The following HIBADH variants were observed in gnomAD, a reference collection of about 807,000 sequenced individuals.
HIBADH encodes 3-hydroxyisobutyrate dehydrogenase, mitochondrial.
A neutral mutation model predicts 36.1 loss-of-function variants in HIBADH; 25 were observed. The observed-to-expected ratio is 0.69, with a 90% CI of 0.50 to 0.97. HIBADH has a LOEUF of 0.97. Among genes scored for constraint, HIBADH ranks in the 50% least tolerant of loss-of-function variants. The pLI is 0.00. For synonymous variants in HIBADH, 160 were observed against 149.5 expected, an observed-to-expected ratio of 1.07 and a Z score of -0.51; for missense variants, 421 against 418.0, an observed-to-expected ratio of 1.01 and a Z score of -0.06.
chr7:27,543,061 A>G lies in HIBADH; in HGVS notation c.524T>C (p.Val175Ala). 1 of 1,613,622 alleles carries G rather than the reference A, an allele frequency of 6.2e-7. No individual in the cohort carries two copies. The highest frequency in any genetic ancestry group is 8.5e-7 in the Non-Finnish European group (1 of 1,179,778). The change falls in exon 5 of 8, where the codon GTG (valine) becomes GCG (alanine). Residue 175 changes from valine (V) to alanine (A), a missense_variant. Coordinates refer to ENST00000265395, the MANE Select transcript of HIBADH (RefSeq NM_152740.4). ...AARSGNLTFM[V>A]GGVEDEFAAA... ...AGCAAATTCATCTTCAACTCCTCCC[A>G]CCATAAACGTGAGGTTCCCAGATCG...
chr7:27,604,140 A>T (rs1785178661), intron 4 of HIBADH, among the ~76,000 whole-genome samples: 1 of 152,160 alleles, frequency 6.6e-6, no homozygotes, highest in Non-Finnish European at 1.5e-5. Context: ...TAAATGCTTC[A>T]TTACTAAATA....
chr7:27,589,316 T>A (rs1318309546), intron 4 of HIBADH, among the ~76,000 whole-genome samples: 4 of 152,198 alleles, frequency 2.6e-5, no homozygotes, highest in African/African-American at 9.6e-5. Flanking sequence ...AACCTTTTCC[T>A]TCAAATCTTT....
At chr7:27,548,443 T>C (rs1304292936) in intron 4 of HIBADH, among the ~76,000 whole-genome samples, 1 of 152,070 alleles carries the variant, frequency 6.6e-6, no homozygotes, top group Middle Eastern at 3.4e-3. Context: ...GGAAAATACA[T>C]ATAGCTAATA....
chr7:27,642,642 GTTTTTTTTTTTTTTTTTTT>G (rs71555706), intron 2 of HIBADH, among the ~76,000 whole-genome samples: 3 of 97,426 alleles, frequency 3.1e-5, no homozygotes, highest in Non-Finnish European at 5.8e-5. Context: ...TAAATGTCTA[GTTTTTTTTTTTTTTTTTTT>G]TTTTTTTTGA....
intron 4 of HIBADH, among the ~76,000 whole-genome samples, chr7:27,556,872 T>C (rs1445757677): frequency 6.6e-6 from 1 of 152,162 alleles, no homozygotes; most frequent in Non-Finnish European, 1.5e-5. Context: ...GCCTATAATA[T>C]TTGGGAGGCC....
At chr7:27,650,794 C>A (rs377012995) in intron 1 of HIBADH, among the ~76,000 whole-genome samples, 1 of 149,890 alleles carries the variant, frequency 6.7e-6, no homozygotes, top group African/African-American at 2.5e-5. Flanking sequence ...TTTGAAATTA[C>A]TCCGTGGGCA....
intron 4 of HIBADH, among the ~76,000 whole-genome samples, chr7:27,608,098 T>C (rs1785261769): frequency 6.6e-6 from 1 of 152,196 alleles, no homozygotes. Flanking sequence ...GAGGCTGTAG[T>C]AGATAAACAA....
At chr7:27,615,617 T>C (rs1312495639) in intron 4 of HIBADH, among the ~76,000 whole-genome samples, 3 of 152,204 alleles carry the variant, frequency 2.0e-5, no homozygotes, top group African/African-American at 7.2e-5. Flanking sequence ...ATTATTCATG[T>C]TTGTGGTGAT....
chr7:27,635,699 A>T (rs1259082491), intron 2 of HIBADH, among the ~76,000 whole-genome samples: 2 of 152,200 alleles, frequency 1.3e-5, no homozygotes, highest in Non-Finnish European at 2.9e-5. Flanking sequence ...CAGGACTTTC[A>T]CCGTGCAGGT....
rs1022727822 is a variant in HIBADH, at chr7:27,529,078, A to G, written c.852+2114T>C. On this transcript the variant is annotated intron_variant, in intron 7 of 7. Transcript: ENST00000265395. Reference sequence around the variant, plus strand: ...CTGTTTATGGGATGGTTTACTGAATATTTATTTTAAGCCCACTGTTGAGAC... The same window carrying G: ...CTGTTTATGGGATGGTTTACTGAATGTTTATTTTAAGCCCACTGTTGAGAC... Among the ~76,000 whole-genome samples, 8 of 152,210 alleles carry G rather than the reference A, an allele frequency of 5.3e-5. No individual in the cohort carries two copies. In the East Asian group the frequency reaches 1.2e-3, roughly 22 times the overall value.
intron 1 of HIBADH, among the ~76,000 whole-genome samples, chr7:27,660,521 C>T (rs1786394062): frequency 1.3e-5 from 2 of 152,062 alleles, no homozygotes; most frequent in African/African-American, 4.8e-5. Flanking sequence ...AAAAACTAGC[C>T]GGGCGTGGTG....
intron 4 of HIBADH, among the ~76,000 whole-genome samples, chr7:27,579,252 T>C (rs1229061146): frequency 6.6e-6 from 1 of 152,224 alleles, no homozygotes; most frequent in Non-Finnish European, 1.5e-5. Flanking sequence ...TCAGACGATA[T>C]ATACTAAAAG....
At chr7:27,652,679 C>T (rs1034127371) in intron 1 of HIBADH, among the ~76,000 whole-genome samples, 3 of 152,186 alleles carry the variant, frequency 2.0e-5, no homozygotes, top group African/African-American at 7.2e-5. Flanking sequence ...TTGCTGATGG[C>T]CATTTTCTCA....
At chr7:27,612,631 C>A (rs1314232592) in intron 4 of HIBADH, among the ~76,000 whole-genome samples, 1 of 150,486 alleles carries the variant, frequency 6.6e-6, no homozygotes, top group Non-Finnish European at 1.5e-5. Context: ...CCTGTAATCT[C>A]TTTCTAAAAG....
At chr7:27,615,465 C>T (rs746184031) in intron 4 of HIBADH, among the ~76,000 whole-genome samples, 2 of 152,144 alleles carry the variant, frequency 1.3e-5, no homozygotes, top group Non-Finnish European at 2.9e-5. Context: ...GCACAAGAGA[C>T]GTTTAACAGC....
intron 2 of HIBADH, among the ~76,000 whole-genome samples, chr7:27,642,638 T>C (rs1785979760): frequency 7.4e-6 from 1 of 135,682 alleles, no homozygotes; most frequent in African/African-American, 2.8e-5. Flanking sequence ...TGCCTAAATG[T>C]CTAGTTTTTT....
In HIBADH at chr7:27,564,789, GTCT is replaced by G. The variant is rs556232480; in HGVS notation, c.485-21692_485-21690del. Among the ~76,000 whole-genome samples, 35 of 152,186 alleles carry G rather than the reference GTCT, an allele frequency of 2.3e-4. No individual in the cohort carries two copies. The East Asian group carries it at 6.0e-3, about 26-fold the overall frequency. On this transcript the variant is annotated intron_variant, in intron 4 of 7. Coordinates refer to ENST00000265395, the MANE Select transcript of HIBADH (RefSeq NM_152740.4). ...AACACAGTACACTTCATTTATTTAG[GTCT>G]TCTTTAACTTCTTTCATCAACTTTT...
At chr7:27,619,688 C>G (rs929864726) in intron 4 of HIBADH, among the ~76,000 whole-genome samples, 6 of 151,980 alleles carry the variant, frequency 3.9e-5, no homozygotes, top group Non-Finnish European at 5.9e-5. Context: ...CATTAGAAAG[C>G]TTCAACAATA....
At position 27,536,631 on chromosome 7, in the gene HIBADH, T is replaced by C. The variant is rs141572773; in HGVS notation, c.695+1710A>G. ...ACTTCATTGTACACCTCGTATTCGA[T>C]TGTATTGCCTACAGTTGTAGCTGGT... is the stretch of plus-strand genomic sequence containing the variant. On this transcript the variant is annotated intron_variant, in intron 6 of 7. Transcript: ENST00000265395. Among the ~76,000 whole-genome samples, 500 of 152,296 alleles carry C rather than the reference T, an allele frequency of 3.3e-3. 6 individuals carry two copies. Among genetic ancestry groups the C allele is most frequent in the African/African-American group, 0.011 (465 of 41,584 alleles).
Sources: gnomAD v4.1 joint callset for allele counts (sites outside exome capture counted in the v4.1 genomes callset) on GRCh38, gnomAD v4.1.1 for gene constraint, MANE v1.5 for transcripts, NCBI Gene and HGNC (gene_info 2026-07-23, HGNC 2026-07-21) for gene names.